DES: variants seen among roughly 807,000 people sequenced by gnomAD.
The protein encoded by DES is desmin, also known as cardiomyopathy, dilated 1F (autosomal dominant).
In DES, 34 loss-of-function variants were observed where a neutral mutation model predicts 55.1. The ratio of observed to expected loss-of-function variants is 0.62; its 90% CI spans 0.47 to 0.82. DES has a LOEUF of 0.82. Ranked by LOEUF, DES falls within the 40% of genes least tolerant of loss-of-function variation. DES has a pLI of 0.00. For synonymous variants in DES, 259 were observed against 270.8 expected (o/e 0.96, Z 0.43); for missense variants, 596 against 645.9 (o/e 0.92, Z 0.84).
Position 219,420,721 on chromosome 2 carries a change from T to G in DES, c.897+65T>G. 2 of 1,613,400 alleles carry G rather than the reference T, an allele frequency of 1.2e-6. No individual in the cohort carries two copies. On this transcript the variant is annotated intron_variant, in intron 4 of 8. Coordinates refer to ENST00000373960, the MANE Select transcript of DES (RefSeq NM_001927.4). The surrounding 1 kb of genome is among the most constrained non-coding windows in gnomAD (Gnocchi z 6.0). ...TGAATCCCAGCTTGGATGTGCTGCC[T>G]GTGGTACCATCCATGGGAGGAGAGC...
chr2:219,421,081 A>G lies in DES; in HGVS notation c.1023+128A>G, dbSNP rs922460147. 38 of 1,374,682 alleles carry G rather than the reference A, an allele frequency of 2.8e-5. No individual in the cohort carries two copies. In the Admixed American group the frequency reaches 7.3e-4, roughly 26 times the overall value. The allele number at this position is 1,374,682 out of a possible 1,614,324, so 85.2% of individuals were successfully genotyped here. ...TCTACTTAAATCTACAATAGGGGTA[A>G]AACCAGACAAGTGGATTCCAGTTGG... On this transcript the variant is annotated intron_variant, in intron 5 of 8. Transcript: ENST00000373960.
chr2:219,420,102 G>A lies in DES; in HGVS notation c.586G>A (p.Glu196Lys). 6.2e-7 allele frequency: 1 copy of A among 1,614,222 alleles called. No homozygotes were observed. The highest frequency in any genetic ancestry group is 8.5e-7 in the Non-Finnish European group (1 of 1,180,028). The stretch of plus-strand genomic sequence containing the variant: ...TCTGTCTGTCCCACCCAGGCTGCAG[G>A]AGGAGATTCAGTTGAAGGAAGAAGC... ...DLQRLKAKLQ[E>K]EIQLKEEAEN... Residue 196 changes from glutamate (E) to lysine (K), a missense_variant, in exon 2 of 9, where the codon GAG becomes AAG. Transcript: ENST00000373960. The surrounding 1 kb of genome is among the most constrained non-coding windows in gnomAD (Gnocchi z 6.0).
At position 219,418,700 on chromosome 2, in the gene DES, C is replaced by CCCT; in HGVS notation, c.245_247dup (p.Ser82dup). 1.3e-6 allele frequency: 2 copies of CCCT among 1,568,990 alleles called. No homozygotes were observed. Among genetic ancestry groups the CCCT allele is most frequent in the Non-Finnish European group, 1.7e-6 (2 of 1,157,000 alleles). ...CAGCCGGCTGGGGACCACCCGCACGCCCTCCTCCTACGGCGCAGGCGAGCT... is the reference window on the plus strand; with the variant it reads ...CAGCCGGCTGGGGACCACCCGCACGCCCTCCTCCTCCTACGGCGCAGGCGAGCT... On this transcript the variant is annotated inframe_insertion, in exon 1 of 9. Coordinates refer to ENST00000373960, the MANE Select transcript of DES (RefSeq NM_001927.4).
chr2:219,425,466 C>G, intron 7 of DES, 197 bp from the exon 8 acceptor site: 1 of 615,132 alleles, frequency 1.6e-6, no homozygotes, highest in Non-Finnish European at 2.9e-6. Context: ...GGGACAGGCG[C>G]TGGGGACTGC....
Position 219,421,365 on chromosome 2 carries a change from G to A in DES, c.1049G>A (p.Arg350Gln), listed in dbSNP as rs57965306. ...GTNDSLMRQM[R>Q]ELEDRFASEA... ...AACGATTCCCTGATGAGGCAGATGC[G>A]GGAATTGGAGGACCGATTTGCCAGT... The change falls in exon 6 of 9, where the codon CGG becomes CAG. Residue 350 changes from arginine to glutamine, a missense_variant. Transcript: ENST00000373960. 4.0e-5 allele frequency: 65 copies of A among 1,613,984 alleles called. No individual in the cohort carries two copies. The highest frequency in any genetic ancestry group is 5.2e-5 in the Non-Finnish European group (61 of 1,180,030).
Position 219,418,831 on chromosome 2 carries a change from C to G in DES, c.369C>G (p.Ile123Met), listed in dbSNP as rs2666105. ...QELNDRFANY[I>M]EKVRFLEQQN... Reference sequence around the variant, plus strand: ...TCAATGACCGCTTCGCCAACTACATCGAGAAGGTGCGCTTCCTGGAGCAGC... The same window carrying G: ...TCAATGACCGCTTCGCCAACTACATGGAGAAGGTGCGCTTCCTGGAGCAGC... Residue 123 changes from isoleucine (I) to methionine (M), a missense_variant, in exon 1 of 9, where the codon ATC (isoleucine) becomes ATG (methionine). Transcript: ENST00000373960. The G allele has an allele frequency of 6.3e-7, 1 of 1,582,182 alleles. No individual in the cohort carries two copies. Among genetic ancestry groups the G allele is most frequent in the Non-Finnish European group, 8.6e-7 (1 of 1,163,800 alleles).
At chr2:219,425,842 C>T in intron 8 of DES, 97 bp downstream of exon 8, 1 of 1,597,594 alleles carries the variant, frequency 6.3e-7, no homozygotes, top group Non-Finnish European at 8.6e-7. Context: ...AGGTCCCTGG[C>T]TAGTGGGGCA....
At chr2:219,423,441 C>CT (rs537614128) in intron 6 of DES, among the ~76,000 whole-genome samples, 45,685 of 133,494 alleles carry the variant, frequency 0.34, 7,948 homozygotes, top group Middle Eastern at 0.39. Context: ...TGGGAGGGTT[C>CT]TTTTTTTTTT....
At position 219,420,228 on chromosome 2, in the gene DES, C is replaced by T. The variant is rs1222920821; in HGVS notation, c.640-23C>T. 1 of 1,614,136 alleles carries T rather than the reference C, an allele frequency of 6.2e-7. No homozygotes were observed. Among genetic ancestry groups the T allele is most frequent in the Non-Finnish European group, 8.5e-7 (1 of 1,179,972 alleles). ...CCCACCTGGGTGGCGGTGACCATGT[C>T]CTTCTCGCTTGGCCTCTCCCAGGAC... On this transcript the variant is annotated intron_variant, in intron 2 of 8. Transcript: ENST00000373960. This position sits in a 1 kb window ranked among gnomAD's most constrained non-coding sequence, Gnocchi z 6.0.
intron 5 of DES, 137 bp from the exon 6 acceptor site, chr2:219,421,203 C>A: frequency 9.8e-7 from 1 of 1,017,960 alleles, no homozygotes; most frequent in Non-Finnish European, 1.5e-6. Flanking sequence ...TGAGTGTTCA[C>A]ATATAGACTT....
chr2:219,420,460 C>A lies in DES; in HGVS notation c.736-35C>A, dbSNP rs41272701. ...GGGGTGTGAGGGTGCTGTGTGGGCC[C>A]TGAGAGGGGACTGAAGCCCAGTCAT... On this transcript the variant is annotated intron_variant, in intron 3 of 8. Transcript: ENST00000373960. This position sits in a 1 kb window ranked among gnomAD's most constrained non-coding sequence, Gnocchi z 6.0. 67,681 of 1,613,716 alleles carry A rather than the reference C, an allele frequency of 0.042. 1,612 individuals are homozygous for A. Among genetic ancestry groups the A allele is most frequent in the Middle Eastern group, 0.049 (298 of 6,056 alleles).
intron 6 of DES, 48 bp from the exon 7 acceptor site, chr2:219,423,729 G>T: frequency 6.3e-7 from 1 of 1,595,688 alleles, no homozygotes; most frequent in African/African-American, 1.3e-5. Context: ...GGGCCCGGCC[G>T]ATGGGAGGGT....
chr2:219,418,578 G>A lies in DES; in HGVS notation c.116G>A (p.Gly39Asp), dbSNP rs781231410. 6.2e-7 allele frequency: 1 copy of A among 1,604,500 alleles called. No homozygotes were observed. Among genetic ancestry groups the A allele is most frequent in the Non-Finnish European group, 8.5e-7 (1 of 1,176,022 alleles). The change falls in exon 1 of 9, where the codon GGT becomes GAT. Residue 39 changes from glycine to aspartate, a missense_variant. Coordinates refer to ENST00000373960, the MANE Select transcript of DES (RefSeq NM_001927.4). ...PLSSPVFPRA[G>D]FGSKGSSSSV... ...AGTTCGCCCGTGTTCCCGCGGGCGGGTTTCGGCTCTAAGGGCTCCTCCAGC... is the reference window on the plus strand; with the variant it reads ...AGTTCGCCCGTGTTCCCGCGGGCGGATTTCGGCTCTAAGGGCTCCTCCAGC...
At chr2:219,421,064 A>G (rs1575014708) in intron 5 of DES, 111 bp downstream of exon 5, 1 of 1,455,776 alleles carries the variant, frequency 6.9e-7, no homozygotes, top group East Asian at 2.5e-5. Flanking sequence ...CATCTACTTA[A>G]ATCTACAATA....
rs774006810 is a variant in DES, at chr2:219,418,561, C to T, written c.99C>T (p.Pro33=). The change falls in exon 1 of 9, where the codon CCC becomes CCT. Residue 33 remains proline (P), a synonymous_variant. Transcript: ENST00000373960. The part of the protein sequence containing the change: ...GFPLGSPLSS[P]VFPRAGFGSK... ...CACTCGGCTCCCCGCTGAGTTCGCCCGTGTTCCCGCGGGCGGGTTTCGGCT... is the reference window on the plus strand; with the variant it reads ...CACTCGGCTCCCCGCTGAGTTCGCCTGTGTTCCCGCGGGCGGGTTTCGGCT... The T allele has an allele frequency of 6.7e-5, 107 of 1,603,418 alleles. No homozygotes were observed. Among genetic ancestry groups the T allele is most frequent in the Middle Eastern group, 1.7e-4 (1 of 6,032 alleles).
rs267607485 is a variant in DES at position 219,425,720 on chromosome 2, A to C, written c.1346A>C (p.Lys449Thr). 2 of 1,602,054 alleles carry C rather than the reference A, an allele frequency of 1.2e-6. No homozygotes were observed. The highest frequency in any genetic ancestry group is 1.7e-6 in the Non-Finnish European group (2 of 1,174,498). Residue 449 changes from lysine (K) to threonine (T), a missense_variant, in exon 8 of 9, where the codon AAG becomes ACG. By Grantham distance (78) the Lys-to-Thr change is moderately conservative. Transcript: ENST00000373960. The part of the protein sequence containing the change: ...EVHTKKTVMI[K>T]TIETRDGEVV... Reference sequence around the variant, plus strand: ...CATACCAAGAAGACGGTGATGATCAAGACCATCGAGACACGGGATGGGGAG... The same window carrying C: ...CATACCAAGAAGACGGTGATGATCACGACCATCGAGACACGGGATGGGGAG...
In DES at chr2:219,420,866, C is replaced by G; in HGVS notation, c.936C>G (p.Asp312Glu). 2 of 1,613,850 alleles carry G rather than the reference C, an allele frequency of 1.2e-6. No homozygotes were observed. The highest frequency in any genetic ancestry group is 1.7e-6 in the Non-Finnish European group (2 of 1,179,992). The change falls in exon 5 of 9, where the codon GAC (aspartate) becomes GAG (glutamate). Residue 312 changes from aspartate to glutamate, a missense_variant. By Grantham distance (45) the Asp-to-Glu change is conservative. Transcript: ENST00000373960. This position sits in a 1 kb window ranked among gnomAD's most constrained non-coding sequence, Gnocchi z 6.0. ...CCCAGGCAGCCAACAAGAACAACGACGCCCTGCGCCAGGCCAAGCAGGAGA... is the reference window on the plus strand; with the variant it reads ...CCCAGGCAGCCAACAAGAACAACGAGGCCCTGCGCCAGGCCAAGCAGGAGA... ...DLTQAANKNNDALRQAKQEMM... is the reference protein window; with the variant it reads ...DLTQAANKNNEALRQAKQEMM...
chr2:219,425,499 G>A, intron 7 of DES, 164 bp from the exon 8 acceptor site: 1 of 677,164 alleles, frequency 1.5e-6, no homozygotes, highest in Non-Finnish European at 2.7e-6. Context: ...TGGGTGCTGG[G>A]CTGAAGGAAA....
Position 219,418,548 on chromosome 2 carries a change from C to A in DES, c.86C>A (p.Pro29Gln). ...GGAPGFPLGS[P>Q]LSSPVFPRAG... ...GCCCCGGGCTTCCCACTCGGCTCCC[C>A]GCTGAGTTCGCCCGTGTTCCCGCGG... The change falls in exon 1 of 9, where the codon CCG (proline) becomes CAG (glutamine). Residue 29 changes from proline to glutamine, a missense_variant. Physicochemically the swap from Pro to Gln is moderately conservative, Grantham distance 76 (BLOSUM62 -1). Transcript: ENST00000373960. The A allele has an allele frequency of 6.2e-7, 1 of 1,603,958 alleles. No individual in the cohort carries two copies. The highest frequency in any genetic ancestry group is 1.7e-4 in the Middle Eastern group (1 of 5,994).
Sources: gnomAD v4.1 joint callset for allele counts (sites outside exome capture counted in the v4.1 genomes callset) on GRCh38, gnomAD v4.1.1 for gene constraint, Gnocchi (gnomAD v3.1) non-coding constraint, MANE v1.5 for transcripts, NCBI Gene and HGNC (gene_info 2026-07-23, HGNC 2026-07-21) for gene names.